Variants in JAK2 observed in about 807,000 individuals in gnomAD.
The protein encoded by JAK2 is tyrosine-protein kinase JAK2.
JAK2 carries 86 observed loss-of-function variants against 139.3 expected under a neutral mutation model. That is an observed-to-expected ratio of 0.62 (90% confidence interval 0.52 to 0.74). JAK2 has a LOEUF of 0.74. Among genes scored for constraint, JAK2 ranks in the 30% least tolerant of loss-of-function variants. JAK2 has a pLI of 0.00. For synonymous variants in JAK2, 490 were observed against 437.7 expected (o/e 1.12, Z -1.49); for missense variants, 1,421 against 1,360.3 (o/e 1.04, Z -0.70).
chr9:5,069,309 G>T, intron 11 of JAK2, 101 bp downstream of exon 11: 1 of 727,208 alleles, frequency 1.4e-6, no homozygotes, highest in Non-Finnish European at 2.2e-6. Flanking sequence ...TATGAAAGAA[G>T]CAGCTCTAAA....
intron 2 of JAK2, among the ~76,000 whole-genome samples, chr9:4,986,843 A>G (rs368137150): frequency 2.6e-5 from 4 of 152,218 alleles, no homozygotes; most frequent in South Asian, 2.1e-4. Flanking sequence ...TGCATGAAAC[A>G]AAGTTTGTAT....
chr9:5,122,958 C>A, intron 22 of JAK2, 46 bp from the exon 23 acceptor site: 1 of 1,200,726 alleles, frequency 8.3e-7, no homozygotes, highest in Non-Finnish European at 1.2e-6. Flanking sequence ...ATCAAGAGTC[C>A]ACATATCAAG....
At chr9:5,044,319 G>A in intron 4 of JAK2, 84 bp from the exon 5 acceptor site, 1 of 802,694 alleles carries the variant, frequency 1.2e-6, no homozygotes, top group Non-Finnish European at 2.1e-6. Context: ...ATACCTTTCA[G>A]TATGCTGTAG....
At chr9:5,099,121 G>C (rs1411458993) in intron 22 of JAK2, 2 of 152,132 alleles carry the variant, frequency 1.3e-5, no homozygotes, top group East Asian at 1.9e-4. Flanking sequence ...CTCATCTGAA[G>C]ACATCCTGCA....
At chr9:4,994,436 G>A (rs1395155489) in intron 2 of JAK2, among the ~76,000 whole-genome samples, 2 of 152,202 alleles carry the variant, frequency 1.3e-5, no homozygotes, top group Non-Finnish European at 2.9e-5. Flanking sequence ...AGTGGGACTT[G>A]AGGATTTGCA....
intron 3 of JAK2, 105 bp downstream of exon 3, chr9:5,022,318 C>A: frequency 1.5e-6 from 1 of 674,732 alleles, no homozygotes; most frequent in Non-Finnish European, 2.4e-6. Context: ...TTTTTTAATG[C>A]TTGTATGGCT....
chr9:5,002,697 T>G lies in JAK2; in HGVS notation c.-26+16675T>G, dbSNP rs1168370866. Among the ~76,000 whole-genome samples, 7 of 151,992 alleles carry G rather than the reference T, an allele frequency of 4.6e-5. 1 individual carries two copies. In the East Asian group the frequency reaches 1.3e-3, roughly 29 times the overall value. On this transcript the variant is annotated intron_variant, in intron 2 of 24. Coordinates refer to ENST00000381652, the MANE Select transcript of JAK2 (RefSeq NM_004972.4). ...TTTTACTGATTAAAAAAATTTTTTT[T>G]GTTAATTCCTGAGAAATGAGTATTG...
chr9:5,051,475 A>G (rs1172126944), intron 6 of JAK2, among the ~76,000 whole-genome samples: 2 of 152,160 alleles, frequency 1.3e-5, no homozygotes, highest in Admixed American at 1.3e-4. Context: ...CTAATCCAAG[A>G]GATTTGGATT....
chr9:5,101,262 C>T (rs143994182), intron 22 of JAK2, among the ~76,000 whole-genome samples: 10 of 152,354 alleles, frequency 6.6e-5, no homozygotes, highest in East Asian at 1.9e-4. Flanking sequence ...CCCACACCCA[C>T]GGAGCCCTGC....
intron 18 of JAK2, among the ~76,000 whole-genome samples, chr9:5,081,324 T>C (rs1350744456): frequency 2.0e-5 from 3 of 152,178 alleles, no homozygotes; most frequent in African/African-American, 7.2e-5. Flanking sequence ...TATTTTATAA[T>C]TGATTGATTC....
intron 6 of JAK2, 26 bp downstream of exon 6, chr9:5,050,857 A>C (rs749901402): frequency 2.5e-6 from 4 of 1,586,664 alleles, no homozygotes; most frequent in Admixed American, 3.4e-5. Flanking sequence ...AAATCCTTAC[A>C]CATAAGTGTG....
At chr9:5,120,833 G>A (rs1468898974) in intron 22 of JAK2, among the ~76,000 whole-genome samples, 2 of 152,130 alleles carry the variant, frequency 1.3e-5, no homozygotes, top group Non-Finnish European at 2.9e-5. Flanking sequence ...TTTTCAAATT[G>A]AGCAGCTAAA....
At chr9:5,009,943 A>G (rs566901075) in intron 2 of JAK2, among the ~76,000 whole-genome samples, 2 of 151,920 alleles carry the variant, frequency 1.3e-5, no homozygotes, top group East Asian at 1.9e-4. Context: ...TAATTTTTAG[A>G]TTTCTTTTTT....
At chr9:5,068,957 C>T (rs1782651276) in intron 10 of JAK2, 65 bp from the exon 11 acceptor site, 4 of 892,764 alleles carry the variant, frequency 4.5e-6, no homozygotes, top group Admixed American at 5.3e-5. Flanking sequence ...ATCATTTTGT[C>T]AGAATAATCA....
At position 5,009,083 on chromosome 9, in the gene JAK2, C is replaced by T. The variant is rs567490750; in HGVS notation, c.-25-12880C>T. 5.3e-5 allele frequency among the ~76,000 whole-genome samples: 8 copies of T among 152,238 alleles called. No individual in the cohort carries two copies. In the East Asian group the frequency reaches 1.5e-3, roughly 29 times the overall value. ...TTTATTATGCACAGCCACTTGCAAA[C>T]TTTAACAAGTATGATTAGAGCAGCA... On this transcript the variant is annotated intron_variant, in intron 2 of 24. Coordinates refer to ENST00000381652, the MANE Select transcript of JAK2 (RefSeq NM_004972.4).
At chr9:5,033,485 A>G (rs1315499079) in intron 4 of JAK2, among the ~76,000 whole-genome samples, 1 of 152,220 alleles carries the variant, frequency 6.6e-6, no homozygotes, top group Non-Finnish European at 1.5e-5. Flanking sequence ...AAGGGCAGCC[A>G]GAGAGAAAGG....
At chr9:5,034,196 C>T (rs1823388597) in intron 4 of JAK2, among the ~76,000 whole-genome samples, 1 of 152,088 alleles carries the variant, frequency 6.6e-6, no homozygotes. Context: ...GCTAACTGTC[C>T]TAAATATATA....
chr9:5,110,786 G>C (rs911132479), intron 22 of JAK2: 2 of 402,668 alleles, frequency 5.0e-6, no homozygotes, highest in Admixed American at 6.9e-5. Context: ...GTAAGGGCCC[G>C]GGCCACGCGC....
At chr9:5,069,865 T>A in intron 11 of JAK2, 60 bp from the exon 12 acceptor site, 2 of 1,159,048 alleles carry the variant, frequency 1.7e-6, no homozygotes, top group Admixed American at 4.8e-5. Flanking sequence ...TACTCCTCTT[T>A]GGAGCAATTC....
Sources: gnomAD v4.1 joint callset for allele counts (sites outside exome capture counted in the v4.1 genomes callset) on GRCh38, gnomAD v4.1.1 for gene constraint, MANE v1.5 for transcripts, NCBI Gene and HGNC (gene_info 2026-07-23, HGNC 2026-07-21) for gene names.